Variants in PCGF5 observed in about 807,000 individuals in gnomAD.
PCGF5 encodes the protein polycomb group ring finger 5.
In PCGF5, 9 loss-of-function variants were observed where a neutral mutation model predicts 44.3. The ratio of observed to expected loss-of-function variants is 0.20; its 90% CI spans 0.12 to 0.35. PCGF5 has a LOEUF of 0.35. Among genes scored for constraint, PCGF5 ranks in the 10% least tolerant of loss-of-function variants. PCGF5 has a pLI of 1.00. For synonymous variants in PCGF5, 95 were observed against 102.5 expected (o/e 0.93, Z 0.44); for missense variants, 146 against 305.3 (o/e 0.48, Z 3.89).
intron 9 of PCGF5, among the ~76,000 whole-genome samples, chr10:91,271,981 C>A (rs1846191650): frequency 6.6e-6 from 1 of 152,150 alleles, no homozygotes; most frequent in South Asian, 2.1e-4. Flanking sequence ...ATCTCTACTC[C>A]ATATTGGATT....
upstream of PCGF5, among the ~76,000 whole-genome samples, chr10:91,215,163 T>C (rs1451705539): frequency 6.6e-6 from 1 of 152,238 alleles, no homozygotes; most frequent in Non-Finnish European, 1.5e-5. Context: ...ACAACAGTTC[T>C]TGACAAAATT....
At chr10:91,213,269 A>G (rs1328989878) in intron 1 of PCGF5, among the ~76,000 whole-genome samples, 1 of 152,230 alleles carries the variant, frequency 6.6e-6, no homozygotes. Context: ...TAATATTTGA[A>G]GGAACACATC....
chr10:91,160,150 A>G (rs1326933175), upstream of PCGF5, among the ~76,000 whole-genome samples: 1 of 152,024 alleles, frequency 6.6e-6, no homozygotes, highest in Non-Finnish European at 1.5e-5. Flanking sequence ...CCCTTCCTCC[A>G]TTTCCATCTG....
At chr10:91,225,304 T>C (rs1844799400) in intron 2 of PCGF5, among the ~76,000 whole-genome samples, 1 of 148,248 alleles carries the variant, frequency 6.7e-6, no homozygotes, top group African/African-American at 2.5e-5. Flanking sequence ...ATATAACATA[T>C]ATATATAACA....
upstream of PCGF5, among the ~76,000 whole-genome samples, chr10:91,216,349 A>G (rs995323720): frequency 1.3e-5 from 2 of 152,202 alleles, no homozygotes; most frequent in Non-Finnish European, 2.9e-5. Flanking sequence ...GGATAAAGAC[A>G]GGGTGGTCAT....
At chr10:91,244,162 G>A (rs1317685898) in intron 3 of PCGF5, among the ~76,000 whole-genome samples, 5 of 152,298 alleles carry the variant, frequency 3.3e-5, no homozygotes, top group African/African-American at 1.2e-4. Context: ...AAAGTGTTGT[G>A]AGGTGAGGAG....
At chr10:91,163,954 T>C (rs1394063679) in intron 1 of PCGF5, among the ~76,000 whole-genome samples, 1 of 152,150 alleles carries the variant, frequency 6.6e-6, no homozygotes, top group Non-Finnish European at 1.5e-5. Flanking sequence ...GGTCTACAGG[T>C]TTCTGGCCCC....
chr10:91,217,479 C>G (rs1188587640), upstream of PCGF5, among the ~76,000 whole-genome samples: 3 of 152,174 alleles, frequency 2.0e-5, no homozygotes, highest in African/African-American at 7.2e-5. Flanking sequence ...ACTACCTACC[C>G]ACCCATTGCC....
At chr10:91,265,813 T>C (rs1846038439) in intron 8 of PCGF5, among the ~76,000 whole-genome samples, 1 of 152,174 alleles carries the variant, frequency 6.6e-6, no homozygotes, top group Non-Finnish European at 1.5e-5. Flanking sequence ...GTAAAAGCCC[T>C]GCTTAAAGCC....
chr10:91,193,143 A>T (rs542740827), intron 1 of PCGF5, among the ~76,000 whole-genome samples: 10 of 152,176 alleles, frequency 6.6e-5, no homozygotes, highest in Non-Finnish European at 1.2e-4. Context: ...TGTAGCCTTG[A>T]AGAGCAAAGA....
chr10:91,161,786 T>C (rs2133146257), upstream of PCGF5, among the ~76,000 whole-genome samples: 1 of 152,360 alleles, frequency 6.6e-6, no homozygotes, highest in East Asian at 1.9e-4. Context: ...TAAAGACTCC[T>C]GAACTTTTCC....
At chr10:91,274,939 A>G (rs1846269773) in intron 9 of PCGF5, among the ~76,000 whole-genome samples, 1 of 152,168 alleles carries the variant, frequency 6.6e-6, no homozygotes, top group Non-Finnish European at 1.5e-5. Context: ...CACATTTTAT[A>G]TCAGTATAGG....
chr10:91,253,124 C>A (rs939025213), intron 6 of PCGF5, among the ~76,000 whole-genome samples: 4 of 151,852 alleles, frequency 2.6e-5, no homozygotes, highest in African/African-American at 9.7e-5. Context: ...AATACTTTCT[C>A]TGTATCTATT....
upstream of PCGF5, chr10:91,220,174 G>T: frequency 7.7e-6 from 1 of 130,338 alleles, no homozygotes; most frequent in Middle Eastern, 5.3e-3. Context: ...TTTGCTTATA[G>T]TTGTCAACGA....
chr10:91,200,322 G>C (rs902479455), intron 1 of PCGF5, among the ~76,000 whole-genome samples: 1 of 152,208 alleles, frequency 6.6e-6, no homozygotes, highest in African/African-American at 2.4e-5. Context: ...CTACTGACCA[G>C]GGTTCTTTAT....
intron 1 of PCGF5, among the ~76,000 whole-genome samples, chr10:91,170,193 A>T (rs1296798448): frequency 6.6e-6 from 1 of 152,246 alleles, no homozygotes; most frequent in African/African-American, 2.4e-5. Context: ...ATAGGAGAAA[A>T]TCTGGATGAC....
intron 7 of PCGF5, 79 bp downstream of exon 7, chr10:91,261,503 G>A: frequency 1.6e-6 from 2 of 1,289,988 alleles, no homozygotes; most frequent in East Asian, 2.8e-5. Flanking sequence ...TGAAAACTGA[G>A]AATATATTCA....
At chr10:91,177,571 GC>G (rs1843732551) in intron 1 of PCGF5, among the ~76,000 whole-genome samples, 1 of 152,174 alleles carries the variant, frequency 6.6e-6, no homozygotes. Context: ...GAGCTTCCTG[GC>G]CGCTTTGTTT....
chr10:91,181,898 G>A (rs1373867669), intron 1 of PCGF5, among the ~76,000 whole-genome samples: 3 of 152,188 alleles, frequency 2.0e-5, no homozygotes, highest in Non-Finnish European at 4.4e-5. Flanking sequence ...TTAGGGAGGA[G>A]TCTCTCCTTT....
Sources: gnomAD v4.1 joint callset for allele counts (sites outside exome capture counted in the v4.1 genomes callset) on GRCh38, gnomAD v4.1.1 for gene constraint, MANE v1.5 for transcripts, NCBI Gene and HGNC (gene_info 2026-07-23, HGNC 2026-07-21) for gene names.